RAB3C: variants seen among roughly 807,000 people sequenced by gnomAD.
RAB3C encodes ras-related protein Rab-3C.
RAB3C carries 17 observed loss-of-function variants against 26.4 expected under a neutral mutation model. That is an observed-to-expected ratio of 0.64 (90% CI 0.44 to 0.97). RAB3C has a LOEUF of 0.97. Among genes scored for constraint, RAB3C ranks in the 50% least tolerant of loss-of-function variants. The pLI is 0.00. For missense variants in RAB3C, 242 were observed against 281.9 expected (o/e 0.86, Z 1.01); for synonymous variants, 91 against 95.9 (o/e 0.95, Z 0.30).
intron 2 of RAB3C, among the ~76,000 whole-genome samples, chr5:58,664,009 T>A (rs954553682): frequency 2.6e-5 from 4 of 152,206 alleles, no homozygotes; most frequent in African/African-American, 9.6e-5. Flanking sequence ...TTCATTCTAT[T>A]TTACATATTT....
chr5:58,759,630 A>T (rs981417711), intron 3 of RAB3C, among the ~76,000 whole-genome samples: 1 of 152,202 alleles, frequency 6.6e-6, no homozygotes, highest in African/African-American at 2.4e-5. Flanking sequence ...CTTTAATTAC[A>T]TATTAGAAAG....
At chr5:58,787,711 C>T (rs893993569) in intron 3 of RAB3C, among the ~76,000 whole-genome samples, 3 of 152,202 alleles carry the variant, frequency 2.0e-5, no homozygotes, top group African/African-American at 7.2e-5. Flanking sequence ...ACACTAATGA[C>T]ACCAGATGAT....
chr5:58,642,440 T>G (rs977032288), intron 2 of RAB3C, among the ~76,000 whole-genome samples: 2 of 152,210 alleles, frequency 1.3e-5, no homozygotes, highest in Non-Finnish European at 2.9e-5. Context: ...ACTCTTCCAA[T>G]TTAATGCAGT....
chr5:58,611,034 G>C (rs1313648885), intron 1 of RAB3C, among the ~76,000 whole-genome samples: 1 of 152,000 alleles, frequency 6.6e-6, no homozygotes, highest in Non-Finnish European at 1.5e-5. Flanking sequence ...GAGTTAGTTT[G>C]CCAAGAATAA....
At chr5:58,698,413 T>G (rs370760238) in intron 2 of RAB3C, among the ~76,000 whole-genome samples, 1 of 152,140 alleles carries the variant, frequency 6.6e-6, no homozygotes, top group Non-Finnish European at 1.5e-5. Context: ...TTGGGGTTGC[T>G]CTTCTCGAGG....
intron 3 of RAB3C, among the ~76,000 whole-genome samples, chr5:58,755,214 T>C (rs1741629825): frequency 6.6e-6 from 1 of 152,238 alleles, no homozygotes; most frequent in Non-Finnish European, 1.5e-5. Context: ...AGTGCTGGTT[T>C]CTGACTTCTT....
intron 1 of RAB3C, among the ~76,000 whole-genome samples, chr5:58,588,215 A>G (rs1435246818): frequency 1.3e-5 from 2 of 152,056 alleles, no homozygotes; most frequent in East Asian, 3.9e-4. Flanking sequence ...CTCTTGGGTA[A>G]ATACCTAAAA....
intron 4 of RAB3C, among the ~76,000 whole-genome samples, chr5:58,838,821 A>G (rs1416408148): frequency 1.3e-5 from 2 of 152,176 alleles, no homozygotes; most frequent in Non-Finnish European, 2.9e-5. Context: ...TTGAACTATT[A>G]TATCACTGGG....
intron 1 of RAB3C, among the ~76,000 whole-genome samples, chr5:58,592,203 A>C (rs1746148084): frequency 6.6e-6 from 1 of 152,000 alleles, no homozygotes; most frequent in Non-Finnish European, 1.5e-5. Flanking sequence ...CCAGCCCTCT[A>C]TGTTGGCTTT....
intron 2 of RAB3C, among the ~76,000 whole-genome samples, chr5:58,669,494 A>G (rs147598071): frequency 1.2e-4 from 19 of 152,234 alleles, no homozygotes; most frequent in Middle Eastern, 3.4e-3. Flanking sequence ...CCTCAAATTC[A>G]AGGTAACACT....
intron 2 of RAB3C, among the ~76,000 whole-genome samples, chr5:58,648,915 GCTTCATC>G (rs1561278206): frequency 6.6e-6 from 1 of 152,100 alleles, no homozygotes; most frequent in African/African-American, 2.4e-5. Flanking sequence ...CTATCTCAAG[GCTTCATC>G]ATCCTGTAGC....
chr5:58,703,626 G>T (rs1748891175), intron 2 of RAB3C, among the ~76,000 whole-genome samples: 1 of 152,084 alleles, frequency 6.6e-6, no homozygotes, highest in Non-Finnish European at 1.5e-5. Flanking sequence ...CAAGCTACTA[G>T]TCCATTCTCA....
intron 3 of RAB3C, among the ~76,000 whole-genome samples, chr5:58,806,257 T>C (rs971873666): frequency 6.6e-6 from 1 of 152,188 alleles, no homozygotes; most frequent in Non-Finnish European, 1.5e-5. Context: ...TCCCATCTCA[T>C]AGGGCTGAAT....
At chr5:58,729,823 T>C in intron 3 of RAB3C, among the ~76,000 whole-genome samples, 1 of 145,662 alleles carries the variant, frequency 6.9e-6, no homozygotes, top group East Asian at 2.0e-4. Flanking sequence ...ATACTATATG[T>C]ATATTTATAT....
intron 2 of RAB3C, among the ~76,000 whole-genome samples, chr5:58,720,075 T>C (rs1740714634): frequency 6.6e-6 from 1 of 151,916 alleles, no homozygotes; most frequent in Non-Finnish European, 1.5e-5. Context: ...GAAACTGAAT[T>C]GAGGGACTTC....
At chr5:58,818,213 C>T (rs1046777953) in intron 3 of RAB3C, among the ~76,000 whole-genome samples, 5 of 152,206 alleles carry the variant, frequency 3.3e-5, no homozygotes, top group African/African-American at 1.2e-4. Context: ...CGATTACTTA[C>T]ACACCCAGAA....
intron 1 of RAB3C, among the ~76,000 whole-genome samples, chr5:58,591,219 A>C (rs1746121779): frequency 6.6e-6 from 1 of 152,090 alleles, no homozygotes; most frequent in Non-Finnish European, 1.5e-5. Context: ...GTAGTTGTGC[A>C]GTGTAGTAGT....
intron 2 of RAB3C, among the ~76,000 whole-genome samples, chr5:58,702,966 C>A (rs985405769): frequency 6.6e-6 from 1 of 152,058 alleles, no homozygotes; most frequent in Non-Finnish European, 1.5e-5. Context: ...TTATAACCAG[C>A]AATTTTTGAC....
intron 2 of RAB3C, among the ~76,000 whole-genome samples, chr5:58,622,028 A>G (rs894012157): frequency 3.3e-5 from 5 of 152,276 alleles, no homozygotes; most frequent in Admixed American, 3.3e-4. Flanking sequence ...GTCTACATTC[A>G]AATAAAGCAT....
Sources: gnomAD v4.1 joint callset for allele counts (sites outside exome capture counted in the v4.1 genomes callset) on GRCh38, gnomAD v4.1.1 for gene constraint, MANE v1.5 for transcripts, NCBI Gene and HGNC (gene_info 2026-07-23, HGNC 2026-07-21) for gene names.